Variants in SLC4A4 observed in about 807,000 individuals in gnomAD.
SLC4A4 encodes solute carrier family 4 member 4.
SLC4A4 carries 27 observed loss-of-function variants against 111.5 expected under a neutral mutation model. The ratio of observed to expected loss-of-function variants is 0.24; its 90% CI spans 0.18 to 0.33. The LOEUF (loss-of-function observed/expected upper bound fraction) is 0.33, where lower values mean the gene tolerates loss of function less well. Ranked by LOEUF, SLC4A4 falls within the 10% of genes least tolerant of loss-of-function variation. The pLI, the probability that SLC4A4 is intolerant of heterozygous loss-of-function variation, is 1.00. For missense variants in SLC4A4, 909 were observed against 1,315.5 expected (o/e 0.69, Z 4.78); for synonymous variants, 443 against 463.4 (o/e 0.96, Z 0.57).
intron 1 of SLC4A4, among the ~76,000 whole-genome samples, chr4:71,088,892 C>T (rs1742283116): frequency 6.6e-6 from 1 of 151,948 alleles, no homozygotes; most frequent in Admixed American, 6.6e-5. Context: ...CTTGGAGTTG[C>T]TCTTCTTGAG....
chr4:71,408,060 AC>A (rs1721032107), intron 7 of SLC4A4, among the ~76,000 whole-genome samples: 1 of 152,130 alleles, frequency 6.6e-6, no homozygotes, highest in Non-Finnish European at 1.5e-5. Context: ...TTATTATTGA[AC>A]TTTTTTATTA....
intron 3 of SLC4A4, among the ~76,000 whole-genome samples, chr4:71,281,988 T>G (rs369227114): frequency 8.5e-5 from 13 of 152,070 alleles, no homozygotes; most frequent in South Asian, 8.3e-4. Flanking sequence ...ACAAGTTATT[T>G]CTTTCTTACA....
intron 1 of SLC4A4, chr4:71,233,303 C>T: frequency 2.0e-6 from 2 of 985,358 alleles, no homozygotes; most frequent in Non-Finnish European, 2.4e-6. Flanking sequence ...GTGTCTGCTA[C>T]TGTGTGTGGT....
chr4:71,180,018 A>T (rs535519381), intron 2 of SLC4A4, among the ~76,000 whole-genome samples: 201 of 152,332 alleles, frequency 1.3e-3, no homozygotes, highest in African/African-American at 4.8e-3. Flanking sequence ...AGATCAATGG[A>T]ACAGAACAGA....
Position 71,344,858 on chromosome 4 carries a change from G to C in SLC4A4, c.390-5054G>C, listed in dbSNP as rs192380421. ...GATAATAATGCATCAGCATTATTAT[G>C]GCTGTAGTACTACTTCAGGAATTTC... On this transcript the variant is annotated intron_variant, in intron 4 of 25. Coordinates refer to ENST00000264485, the MANE Select transcript of SLC4A4 (RefSeq NM_001098484.3). Among the ~76,000 whole-genome samples the C allele has an allele frequency of 1.9e-4, 29 of 152,170 alleles. 1 individual carries two copies. The highest frequency in any genetic ancestry group is 1.9e-3 in the Admixed American group (29 of 15,274).
intron 6 of SLC4A4, among the ~76,000 whole-genome samples, chr4:71,365,646 G>A (rs1731174310): frequency 6.6e-6 from 1 of 152,156 alleles, no homozygotes. Context: ...CTAGGTTTGT[G>A]AACCCAATTT....
Position 71,069,734 on chromosome 4 carries a change from T to C in SLC4A4, c.-65+6946T>C, listed in dbSNP as rs147619955. On this transcript the variant is annotated intron_variant, in intron 1 of 26. Coordinates refer to the SLC4A4 transcript ENST00000649996. ...CCAAAAGCACTGGTTGAAAAACATT[T>C]AGCTTCTACTCTTTCTCTGGACAGT... 2.4e-3 allele frequency among the ~76,000 whole-genome samples: 360 copies of C among 152,336 alleles called. 1 individual carries two copies. Among genetic ancestry groups the C allele is most frequent in the Admixed American group, 5.4e-3 (83 of 15,304 alleles).
chr4:71,528,007 G>A (rs1340591608), intron 16 of SLC4A4, among the ~76,000 whole-genome samples: 1 of 152,080 alleles, frequency 6.6e-6, no homozygotes, highest in Non-Finnish European at 1.5e-5. Context: ...AAGAACTAGA[G>A]TAGCCAGTGA....
chr4:71,211,373 C>A (rs913872002), intron 1 of SLC4A4, among the ~76,000 whole-genome samples: 2 of 152,066 alleles, frequency 1.3e-5, no homozygotes, highest in African/African-American at 4.8e-5. Flanking sequence ...TTATATATTA[C>A]CTGTGAAACT....
chr4:71,102,657 A>G (rs1287258285), intron 2 of SLC4A4, among the ~76,000 whole-genome samples: 1 of 150,486 alleles, frequency 6.6e-6, no homozygotes, highest in Non-Finnish European at 1.5e-5. Flanking sequence ...AGAATTTCAT[A>G]TCCAGCCAAA....
intron 3 of SLC4A4, among the ~76,000 whole-genome samples, chr4:71,323,793 C>CACTACTGTGTTGTTTTGGCATCCCCAA (rs1431355613): frequency 6.7e-6 from 1 of 149,854 alleles, no homozygotes; most frequent in African/African-American, 2.5e-5. Context: ...GTTTTGTTTT[C>CACTACTGTGTTGTTTTGGCATCCCCAA]ACTACTGTGT....
chr4:71,493,968 A>G (rs1243441980), intron 15 of SLC4A4, among the ~76,000 whole-genome samples: 1 of 151,940 alleles, frequency 6.6e-6, no homozygotes, highest in East Asian at 1.9e-4. Flanking sequence ...TGACTTTTTC[A>G]TAGTGTTTTG....
In SLC4A4 at chr4:71,308,627, G is replaced by T. The variant is rs149076867; in HGVS notation, c.254-30743G>T. Among the ~76,000 whole-genome samples, 184 of 151,968 alleles carry T rather than the reference G, an allele frequency of 1.2e-3. 2 individuals carry two copies. Among genetic ancestry groups the T allele is most frequent in the African/African-American group, 4.2e-3 (175 of 41,534 alleles). On this transcript the variant is annotated intron_variant, in intron 3 of 25. Transcript: ENST00000264485. ...CACCCAGGAAGTGCAAGGGGCCGGGGGACTCCCTCCCCTAGCCAAGGAAAG... is the reference window on the plus strand; with the variant it reads ...CACCCAGGAAGTGCAAGGGGCCGGGTGACTCCCTCCCCTAGCCAAGGAAAG...
chr4:71,499,074 ATTT>A (rs35812881), intron 16 of SLC4A4, among the ~76,000 whole-genome samples: 6 of 150,262 alleles, frequency 4.0e-5, no homozygotes, highest in Admixed American at 4.0e-4. Context: ...TTTGAGGACA[ATTT>A]TTTTTTTCTC....
At chr4:71,496,253 T>C (rs1245842477) in intron 15 of SLC4A4, among the ~76,000 whole-genome samples, 1 of 152,050 alleles carries the variant, frequency 6.6e-6, no homozygotes, top group Non-Finnish European at 1.5e-5. Flanking sequence ...TAACTTTTGG[T>C]TGACTGGTAA....
intron 3 of SLC4A4, among the ~76,000 whole-genome samples, chr4:71,290,457 G>A (rs1724253160): frequency 6.6e-6 from 1 of 152,154 alleles, no homozygotes; most frequent in South Asian, 2.1e-4. Flanking sequence ...AGAGGTCAAG[G>A]GGATTGAAGA....
intron 6 of SLC4A4, among the ~76,000 whole-genome samples, chr4:71,358,273 C>G (rs1730463460): frequency 6.6e-6 from 1 of 151,336 alleles, no homozygotes; most frequent in Non-Finnish European, 1.5e-5. Flanking sequence ...CAAGATCACG[C>G]CACTGCACTC....
intron 1 of SLC4A4, chr4:71,236,145 G>T: frequency 1.9e-6 from 2 of 1,049,674 alleles, no homozygotes; most frequent in Non-Finnish European, 2.3e-6. Context: ...ATTTTATGCA[G>T]TGGGTGTTTA....
chr4:71,503,156 A>G (rs561062541), intron 16 of SLC4A4, among the ~76,000 whole-genome samples: 3 of 151,582 alleles, frequency 2.0e-5, no homozygotes, highest in South Asian at 2.1e-4. Flanking sequence ...TTCCATTTGC[A>G]TGGAGTATCT....
Sources: allele counts gnomAD v4.1 joint callset (sites outside exome capture counted in the v4.1 genomes callset), GRCh38; gene constraint gnomAD v4.1.1; transcripts MANE v1.5; gene names NCBI Gene and HGNC (gene_info 2026-07-23, HGNC 2026-07-21).